PLAT: variants seen among roughly 807,000 people sequenced by gnomAD.
PLAT encodes tissue-type plasminogen activator.
PLAT carries 48 observed loss-of-function variants against 74.9 expected under a neutral mutation model. That is an observed-to-expected ratio of 0.64 (90% CI 0.51 to 0.82). PLAT has a LOEUF of 0.82. Ranked by LOEUF, PLAT falls within the 40% of genes least tolerant of loss-of-function variation. The pLI is 0.00. For synonymous variants in PLAT, 307 were observed against 294.4 expected (o/e 1.04, Z -0.44); for missense variants, 673 against 736.2 (o/e 0.91, Z 0.99).
chr8:42,203,992 T>TATATATATATACACACAC (rs1554499838), intron 1 of PLAT, among the ~76,000 whole-genome samples: 1 of 109,894 alleles, frequency 9.1e-6, no homozygotes, highest in Admixed American at 9.0e-5. Flanking sequence ...TATATATATA[T>TATATATATATACACACAC]ACACACACAC....
rs780540773 is a variant in PLAT at position 42,187,906 on chromosome 8, C to G, written c.364G>C (p.Asp122His). 8.2e-6 allele frequency: 13 copies of G among 1,579,200 alleles called. No homozygotes were observed. The highest frequency in any genetic ancestry group is 1.1e-5 in the Non-Finnish European group (13 of 1,148,204). Reference sequence around the variant, plus strand: ...GTTTCACGTGCTCTCACCTACTCACCTATTTCACAGCACTTCCCAGCAAAT... The same window carrying G: ...GTTTCACGTGCTCTCACCTACTCACGTATTTCACAGCACTTCCCAGCAAAT... ...EGFAGKCCEI[D>H]TRATCYEDQG... The change falls in exon 5 of 14, where the codon GAT becomes CAT. Residue 122 changes from aspartate (D) to histidine (H), a missense_variant and splice_region_variant. By Grantham distance (81) the Asp-to-His change is moderately conservative. Coordinates refer to ENST00000220809, the MANE Select transcript of PLAT (RefSeq NM_000930.5).
At chr8:42,177,408 G>A (rs1428684794) in intron 13 of PLAT, among the ~76,000 whole-genome samples, 2 of 152,178 alleles carry the variant, frequency 1.3e-5, no homozygotes, top group Non-Finnish European at 2.9e-5. Context: ...CAGTTATCTT[G>A]GTCCCATGGA....
rs1352883931 is a variant in PLAT at position 42,175,883 on chromosome 8, C to T, written c.*110G>A. 6.8e-6 allele frequency: 7 copies of T among 1,023,870 alleles called. No homozygotes were observed. Among genetic ancestry groups the T allele is most frequent in the African/African-American group, 1.6e-5 (1 of 62,848 alleles). The allele number at this position is 1,023,870 out of a possible 1,614,324, so 63.4% of individuals were successfully genotyped here. A position where few individuals can be genotyped will look rare whatever the true frequency, so the allele number is the denominator to read the frequency against. On this transcript the variant is annotated 3_prime_UTR_variant, in exon 14 of 14. Coordinates refer to ENST00000220809, the MANE Select transcript of PLAT (RefSeq NM_000930.5). ...CCTGTAGGGTCTCGTCCCGCTTCTG[C>T]GGTGTGGTGGGTCTGGAGAAGTCTG...
chr8:42,181,151 C>G (rs945280415), intron 9 of PLAT, among the ~76,000 whole-genome samples: 1 of 152,238 alleles, frequency 6.6e-6, no homozygotes. Context: ...ACACGGACCA[C>G]TGAGGACTCA....
At chr8:42,199,543 A>T (rs1306146272) in intron 1 of PLAT, among the ~76,000 whole-genome samples, 1 of 151,722 alleles carries the variant, frequency 6.6e-6, no homozygotes, top group Non-Finnish European at 1.5e-5. Flanking sequence ...GCCTGTGTCT[A>T]AGCTATATGG....
chr8:42,185,343 A>G (rs566279065), intron 6 of PLAT, 171 bp from the exon 7 acceptor site: 2 of 436,168 alleles, frequency 4.6e-6, no homozygotes, highest in Non-Finnish European at 8.1e-6. Flanking sequence ...CTCTCACTGC[A>G]ACCTCCGTTT....
chr8:42,187,561 T>A lies in PLAT; in HGVS notation c.376A>T (p.Thr126Ser). Reference sequence around the variant, plus strand: ...CTGATGCCCTGGTCCTCGTAGCACGTGGCCCTGGTATCTGACAGAGAGCAG... The same window carrying A: ...CTGATGCCCTGGTCCTCGTAGCACGAGGCCCTGGTATCTGACAGAGAGCAG... ...GKCCEIDTRA[T>S]CYEDQGISYR... The change falls in exon 6 of 14, where the codon ACG (threonine) becomes TCG (serine). Residue 126 changes from threonine to serine, a missense_variant. Thr to Ser is a moderately conservative substitution (Grantham distance 58, BLOSUM62 1). Coordinates refer to ENST00000220809, the MANE Select transcript of PLAT (RefSeq NM_000930.5). The A allele has an allele frequency of 1.9e-6, 3 of 1,598,594 alleles. No individual in the cohort carries two copies. Among genetic ancestry groups the A allele is most frequent in the Non-Finnish European group, 2.6e-6 (3 of 1,170,344 alleles).
At chr8:42,191,445 C>G (rs1461661329) in intron 2 of PLAT, 31 bp from the exon 3 acceptor site, 1 of 1,608,692 alleles carries the variant, frequency 6.2e-7, no homozygotes, top group Admixed American at 1.7e-5. Flanking sequence ...GAGGAAGGAT[C>G]AGCACATGCC....
chr8:42,193,446 C>T (rs1805764155), intron 1 of PLAT, among the ~76,000 whole-genome samples: 1 of 152,200 alleles, frequency 6.6e-6, no homozygotes. Flanking sequence ...AGTTCAGTGG[C>T]ATTAAGCACG....
At chr8:42,184,861 G>T in intron 7 of PLAT, 1 of 403,208 alleles carries the variant, frequency 2.5e-6, no homozygotes, top group Non-Finnish European at 4.4e-6. Flanking sequence ...GAAATTGAGG[G>T]TCAGAGTGTG....
rs993010885 is a variant in PLAT, at chr8:42,174,814, GCTCAA to G, written c.*1174_*1178del. ...TCTTCCTGAAGTTCACTTCAGACAA[GCTCAA>G]CTCATTTCTCCCTGTACTCCCCTCT... On this transcript the variant is annotated 3_prime_UTR_variant, in exon 14 of 14. Transcript: ENST00000220809. Among the ~76,000 whole-genome samples, 3 of 152,094 alleles carry G rather than the reference GCTCAA, an allele frequency of 2.0e-5. No individual in the cohort carries two copies. Among genetic ancestry groups the G allele is most frequent in the African/African-American group, 7.2e-5 (3 of 41,402 alleles).
At chr8:42,185,245 G>T in intron 6 of PLAT, 73 bp from the exon 7 acceptor site, 1 of 895,236 alleles carries the variant, frequency 1.1e-6, no homozygotes, top group South Asian at 1.7e-5. Context: ...CAAGGACTTT[G>T]GTATCCTTTT....
intron 1 of PLAT, among the ~76,000 whole-genome samples, chr8:42,199,479 C>G (rs1356319643): frequency 6.6e-6 from 1 of 152,126 alleles, no homozygotes; most frequent in Non-Finnish European, 1.5e-5. Flanking sequence ...GACCCTGCCC[C>G]CCACCCATCA....
At chr8:42,200,674 CAAAAAA>C (rs10667666) in intron 1 of PLAT, among the ~76,000 whole-genome samples, 2 of 103,138 alleles carry the variant, frequency 1.9e-5, no homozygotes, top group East Asian at 2.8e-4. Flanking sequence ...GATCCTGTCT[CAAAAAA>C]AAAAAAAAAA....
intron 3 of PLAT, among the ~76,000 whole-genome samples, chr8:42,189,908 C>A (rs1039950914): frequency 6.7e-6 from 1 of 148,628 alleles, no homozygotes; most frequent in African/African-American, 2.5e-5. Context: ...CTAATTTTTT[C>A]TTTTCTTTTC....
intron 1 of PLAT, among the ~76,000 whole-genome samples, chr8:42,197,080 G>C (rs975467244): frequency 6.6e-6 from 1 of 152,170 alleles, no homozygotes; most frequent in Non-Finnish European, 1.5e-5. Flanking sequence ...ATTTGCAAAA[G>C]GTACCCTCTC....
chr8:42,184,294 A>C (rs753900294), intron 7 of PLAT, among the ~76,000 whole-genome samples: 2 of 152,096 alleles, frequency 1.3e-5, no homozygotes, highest in Non-Finnish European at 2.9e-5. Context: ...GATAAATGTG[A>C]TAAGTAACGT....
chr8:42,182,243 T>C (rs918422778), intron 8 of PLAT: 1 of 452,368 alleles, frequency 2.2e-6, no homozygotes, highest in East Asian at 4.5e-5. Flanking sequence ...TCACAGGCCA[T>C]GTAAGAGTAG....
chr8:42,179,866 G>T (rs1178623795), intron 12 of PLAT, 60 bp downstream of exon 12: 6 of 1,467,740 alleles, frequency 4.1e-6, no homozygotes, highest in Middle Eastern at 1.8e-4. Context: ...TCCTCTGGTG[G>T]ACCGCAGCCT....
Sources: gnomAD v4.1 joint callset for allele counts (sites outside exome capture counted in the v4.1 genomes callset) on GRCh38, gnomAD v4.1.1 for gene constraint, MANE v1.5 for transcripts, NCBI Gene and HGNC (gene_info 2026-07-23, HGNC 2026-07-21) for gene names.